The following EGFL6 variants were observed in gnomAD, a reference collection of about 807,000 sequenced individuals.
EGFL6 encodes the protein EGF like domain multiple 6, also known as epidermal growth factor-like protein 6.
In EGFL6, 42 loss-of-function variants were observed where a neutral mutation model predicts 43.1. That is an observed-to-expected ratio of 0.98 (90% confidence interval 0.76 to 1.26). EGFL6 has a LOEUF of 1.26. Among genes scored for constraint, EGFL6 ranks in the 50% most tolerant of loss-of-function variants. The pLI is 0.00. For synonymous variants in EGFL6, 164 were observed against 163.2 expected, an observed-to-expected ratio of 1.01 and a Z score of -0.04; for missense variants, 429 against 427.8, an observed-to-expected ratio of 1.00 and a Z score of -0.02.
At chrX:13,623,376 G>GGTTTTTTTT (rs2045759178) in intron 9 of EGFL6, among the ~76,000 whole-genome samples, 1 of 41,033 alleles carries the variant, frequency 2.4e-5, no homozygotes, top group African/African-American at 1.2e-4. Flanking sequence ...TTTTATTTTG[G>GGTTTTTTTT]GTTTTTTTTT....
At chrX:13,616,902 G>A (rs374524917) in intron 7 of EGFL6, among the ~76,000 whole-genome samples, 1 of 94,045 alleles carries the variant, frequency 1.1e-5, no homozygotes, top group African/African-American at 4.2e-5. Flanking sequence ...TCGCTCTGTC[G>A]CCCAGGCCGG....
Position 13,569,761 on chromosome X carries a change from G to A in EGFL6, c.-101G>A. ...TAACTGCGAGTGGAGCGGAGGACCC[G>A]AGCGGCTGAGGAGAGAGGAGGCGGC... On this transcript the variant is annotated 5_prime_UTR_variant, in exon 1 of 12. Coordinates refer to ENST00000361306, the MANE Select transcript of EGFL6 (RefSeq NM_015507.4). The A allele has an allele frequency of 1.2e-6, 1 of 833,306 alleles. No homozygotes were observed. Among genetic ancestry groups the A allele is most frequent in the East Asian group, 3.2e-5 (1 of 31,466 alleles). The allele number at this position is 833,306 out of a possible 1,213,427, so 68.7% of individuals were successfully genotyped here. A position where few individuals can be genotyped will look rare whatever the true frequency, so the allele number is the denominator to read the frequency against.
In EGFL6 at chrX:13,594,892, T is replaced by C. The variant is rs1337883792; in HGVS notation, c.244T>C (p.Cys82Arg). The C allele has an allele frequency of 8.3e-7, 1 of 1,211,172 alleles. No homozygotes were observed. Among genetic ancestry groups the C allele is most frequent in the South Asian group, 1.8e-5 (1 of 56,840 alleles). ...GTGCGTGGGACCAAACAAATGCAGATGCTTTCCAGGATACACCGGGAAAAC... is the reference window on the plus strand; with the variant it reads ...GTGCGTGGGACCAAACAAATGCAGACGCTTTCCAGGATACACCGGGAAAAC... ...GECVGPNKCR[C>R]FPGYTGKTCS... Residue 82 changes from cysteine (C) to arginine (R), a missense_variant, in exon 3 of 12, where the codon TGC (cysteine) becomes CGC (arginine). Transcript: ENST00000361306.
chrX:13,593,460 G>A (rs1242016599), intron 2 of EGFL6, among the ~76,000 whole-genome samples: 3 of 111,450 alleles, frequency 2.7e-5, no homozygotes, highest in Non-Finnish European at 5.6e-5. Flanking sequence ...ATGGGAAGCG[G>A]CTAGGCAGAG....
intron 4 of EGFL6, 26 bp downstream of exon 4, chrX:13,600,120 T>C: frequency 8.3e-7 from 1 of 1,203,159 alleles, no homozygotes; most frequent in Non-Finnish European, 1.1e-6. Context: ...CAGGCTGATC[T>C]CAGTCAATGT....
intron 8 of EGFL6, among the ~76,000 whole-genome samples, 159 bp downstream of exon 8, chrX:13,618,212 C>G (rs765406721): frequency 8.9e-6 from 1 of 112,380 alleles, no homozygotes; most frequent in Non-Finnish European, 1.9e-5. Flanking sequence ...GAAACGAATA[C>G]CTTCTGCAAA....
chrX:13,626,773 T>C (rs773814597), intron 10 of EGFL6, among the ~76,000 whole-genome samples: 1 of 112,545 alleles, frequency 8.9e-6, no homozygotes, highest in East Asian at 2.8e-4. Flanking sequence ...GCTTTGTGTA[T>C]GCAAAAAATT....
chrX:13,616,436 C>G (rs2045717923), intron 7 of EGFL6, among the ~76,000 whole-genome samples: 1 of 110,485 alleles, frequency 9.1e-6, no homozygotes, highest in Non-Finnish European at 1.9e-5. Flanking sequence ...ATGGCGAAAC[C>G]CCGTCTCTAC....
chrX:13,632,620 T>G (rs746322595), intron 11 of EGFL6, among the ~76,000 whole-genome samples: 27 of 111,492 alleles, frequency 2.4e-4, no homozygotes, highest in Middle Eastern at 4.6e-3. Context: ...ATATAGTTTT[T>G]TATTAGATGT....
intron 5 of EGFL6, among the ~76,000 whole-genome samples, chrX:13,606,163 G>C (rs3747418): frequency 4.5e-5 from 5 of 111,334 alleles, no homozygotes; most frequent in African/African-American, 6.6e-5. Context: ...GAAAGATAAT[G>C]CATCTTAAAA....
At position 13,600,002 on chromosome X, in the gene EGFL6, G is replaced by A. The variant is rs761671994; in HGVS notation, c.308G>A (p.Arg103Gln). The change falls in exon 4 of 12, where the codon CGG becomes CAG. Residue 103 changes from arginine (R) to glutamine (Q), a missense_variant. Arg to Gln is a conservative substitution (Grantham distance 43). Transcript: ENST00000361306. Reference protein sequence around the residue: ...QDVNECGMKPRPCQHRCVNTH... With the variant: ...QDVNECGMKPQPCQHRCVNTH... ...GTGAATGAGTGTGGAATGAAACCCC[G>A]GCCATGCCAACACAGATGTGTGAAT... 5.0e-6 allele frequency: 6 copies of A among 1,208,431 alleles called. No homozygotes were observed. Among genetic ancestry groups the A allele is most frequent in the Non-Finnish European group, 5.6e-6 (5 of 894,177 alleles).
intron 1 of EGFL6, among the ~76,000 whole-genome samples, chrX:13,582,259 C>CCTGGCTA (rs2045510741): frequency 9.1e-6 from 1 of 109,628 alleles, no homozygotes; most frequent in Non-Finnish European, 1.9e-5. Flanking sequence ...GACGGGGTTT[C>CCTGGCTA]ACCATGTTAG....
chrX:13,585,467 C>G (rs1266404898), intron 1 of EGFL6, among the ~76,000 whole-genome samples: 1 of 111,479 alleles, frequency 9.0e-6, no homozygotes, highest in East Asian at 2.8e-4. Context: ...TCTAAAAGCT[C>G]ATGAGTAGGG....
At chrX:13,575,445 A>G (rs1450716615) in intron 1 of EGFL6, among the ~76,000 whole-genome samples, 1 of 111,837 alleles carries the variant, frequency 8.9e-6, no homozygotes, top group Admixed American at 9.5e-5. Context: ...ACACACACAC[A>G]GGAAAGACCA....
chrX:13,616,766 CT>C (rs1158799934), intron 7 of EGFL6, among the ~76,000 whole-genome samples: 1 of 112,253 alleles, frequency 8.9e-6, no homozygotes, highest in African/African-American at 3.2e-5. Context: ...ACTAAATGAA[CT>C]TTTTTGTACC....
chrX:13,593,542 T>G (rs150744568), intron 2 of EGFL6, among the ~76,000 whole-genome samples: 452 of 111,184 alleles, frequency 4.1e-3, no homozygotes, highest in African/African-American at 0.014. Flanking sequence ...TGCACCAGAG[T>G]TTGTCCTGCC....
intron 1 of EGFL6, among the ~76,000 whole-genome samples, chrX:13,582,449 C>T (rs188193590): frequency 1.3e-4 from 15 of 111,233 alleles, no homozygotes; most frequent in Non-Finnish European, 2.6e-4. Context: ...TTCGACAGAA[C>T]TATAATACTA....
chrX:13,632,472 G>T (rs765886072), intron 11 of EGFL6, among the ~76,000 whole-genome samples: 3 of 107,875 alleles, frequency 2.8e-5, no homozygotes, highest in East Asian at 5.8e-4. Context: ...CGGCTAATTT[G>T]TTTGTATTTT....
In EGFL6 at chrX:13,617,783, G is replaced by T; in HGVS notation, c.832G>T (p.Asp278Tyr). ...EVLRAPGTIK[D>Y]RIKKLLAHKN... ...CCTCAGAGCACCTGGTACCATCAAA[G>T]ACAGAATCAAGAAGTTGCTTGCTCA... Residue 278 changes from aspartate to tyrosine, a missense_variant, in exon 8 of 12, where the codon GAC becomes TAC. Transcript: ENST00000361306. 1 of 1,211,688 alleles carries T rather than the reference G, an allele frequency of 8.3e-7. No homozygotes were observed. Among genetic ancestry groups the T allele is most frequent in the African/African-American group, 1.7e-5 (1 of 57,793 alleles).
Sources: gnomAD v4.1 joint callset for allele counts (sites outside exome capture counted in the v4.1 genomes callset) on GRCh38, gnomAD v4.1.1 for gene constraint, MANE v1.5 for transcripts, NCBI Gene and HGNC (gene_info 2026-07-23, HGNC 2026-07-21) for gene names.